PLD5: variants seen among roughly 807,000 people sequenced by gnomAD.
PLD5 encodes the protein phospholipase D family member 5.
PLD5 carries 36 observed loss-of-function variants against 61.1 expected under a neutral mutation model. The ratio of observed to expected loss-of-function variants is 0.59; its 90% CI spans 0.45 to 0.78. The LOEUF is 0.78. Among genes scored for constraint, PLD5 ranks in the 30% least tolerant of loss-of-function variants. PLD5 has a pLI of 0.00. For missense variants in PLD5, 515 were observed against 644.4 expected, an observed-to-expected ratio of 0.80 and a Z score of 2.17; for synonymous variants, 243 against 242.8, an observed-to-expected ratio of 1.00 and a Z score of -0.01.
chr1:242,307,866 C>G (rs180706411), intron 2 of PLD5, among the ~76,000 whole-genome samples: 1 of 152,248 alleles, frequency 6.6e-6, no homozygotes, highest in African/African-American at 2.4e-5. Context: ...GTCACCAAAT[C>G]TAGCTTCAAT....
intron 5 of PLD5, among the ~76,000 whole-genome samples, chr1:242,191,258 G>T (rs1206797252): frequency 6.6e-6 from 1 of 151,820 alleles, no homozygotes; most frequent in Non-Finnish European, 1.5e-5. Flanking sequence ...TTTTGAGAAA[G>T]TTAAGAGAGT....
intron 3 of PLD5, among the ~76,000 whole-genome samples, chr1:242,281,509 A>G (rs1397056205): frequency 6.8e-6 from 1 of 146,886 alleles, no homozygotes; most frequent in East Asian, 2.0e-4. Flanking sequence ...TCAAGATGTT[A>G]TTTGTCCAGA....
chr1:242,315,445 C>T (rs990807739), intron 2 of PLD5, among the ~76,000 whole-genome samples: 74 of 152,054 alleles, frequency 4.9e-4, no homozygotes, highest in African/African-American at 1.6e-3. Context: ...TTATGCTAGA[C>T]GTTCGGGAAA....
At position 242,090,146 on chromosome 1, in the gene PLD5, G is replaced by C. The variant is rs752027260; in HGVS notation, c.1355-36C>G. On this transcript the variant is annotated intron_variant, in intron 9 of 9. Coordinates refer to ENST00000536534, the MANE Select transcript of PLD5 (RefSeq NM_001372062.1). ...ACAAAGAAATAATGTTGAGGAGTTA[G>C]AGTCCACTGGGAACATACCCAATAT... The C allele has an allele frequency of 2.5e-6, 4 of 1,610,318 alleles. No homozygotes were observed. In the African/African-American group the frequency reaches 5.3e-5, roughly 22 times the overall value.
intron 1 of PLD5, among the ~76,000 whole-genome samples, chr1:242,470,177 T>TA (rs1381347265): frequency 1.3e-5 from 2 of 151,662 alleles, no homozygotes; most frequent in Non-Finnish European, 2.9e-5. Flanking sequence ...CCGTCTCTAC[T>TA]AAAAATACAA....
intron 8 of PLD5, among the ~76,000 whole-genome samples, chr1:242,101,949 C>T (rs1013631672): frequency 6.6e-6 from 1 of 152,074 alleles, no homozygotes; most frequent in Non-Finnish European, 1.5e-5. Flanking sequence ...ATCTGTGTGG[C>T]TCTCAGGGCC....
chr1:242,498,530 A>G (rs947452161), intron 1 of PLD5, among the ~76,000 whole-genome samples: 1 of 152,176 alleles, frequency 6.6e-6, no homozygotes, highest in Non-Finnish European at 1.5e-5. Context: ...TGAGAAAAAC[A>G]TTGTTATGTT....
intron 5 of PLD5, among the ~76,000 whole-genome samples, chr1:242,146,295 T>G: frequency 6.6e-6 from 1 of 152,348 alleles, no homozygotes; most frequent in East Asian, 1.9e-4. Flanking sequence ...TAGACTTCAC[T>G]TCCTGATTCC....
chr1:242,117,464 C>A (rs1168092142), intron 6 of PLD5, among the ~76,000 whole-genome samples: 1 of 151,950 alleles, frequency 6.6e-6, no homozygotes, highest in Non-Finnish European at 1.5e-5. Flanking sequence ...TCACTGCAAC[C>A]TCCACCTCCC....
chr1:242,100,831 G>A, intron 8 of PLD5, 49 bp from the exon 9 acceptor site: 1 of 1,296,838 alleles, frequency 7.7e-7, no homozygotes, highest in Non-Finnish European at 1.1e-6. Context: ...AACGTTTCTG[G>A]TCTTGTCCAA....
chr1:242,362,067 C>A (rs1329168712), intron 1 of PLD5, among the ~76,000 whole-genome samples: 1 of 150,258 alleles, frequency 6.7e-6, no homozygotes, highest in African/African-American at 2.5e-5. Context: ...GATAAATGTA[C>A]AAAAATTATC....
intron 9 of PLD5, among the ~76,000 whole-genome samples, chr1:242,100,445 G>A (rs1285007409): frequency 6.6e-6 from 1 of 152,194 alleles, no homozygotes; most frequent in Admixed American, 6.5e-5. Flanking sequence ...TTATGGAAAG[G>A]CATCTTCTAT....
intron 1 of PLD5, among the ~76,000 whole-genome samples, chr1:242,423,811 G>C (rs1455633266): frequency 2.0e-5 from 3 of 152,110 alleles, no homozygotes; most frequent in Admixed American, 6.5e-5. Flanking sequence ...CTGCCTATCA[G>C]AATGCCCAGC....
chr1:242,306,766 C>T (rs183798389), intron 2 of PLD5, among the ~76,000 whole-genome samples: 115,940 of 144,304 alleles, frequency 0.8, 46,691 homozygotes, highest in East Asian at 0.9. Context: ...CACACACACA[C>T]ACACACACAC....
intron 1 of PLD5, among the ~76,000 whole-genome samples, chr1:242,421,106 G>A (rs186205839): frequency 2.4e-4 from 36 of 148,792 alleles, no homozygotes; most frequent in African/African-American, 8.8e-4. Context: ...CTTGAACCCT[G>A]GAGGTGAAGG....
chr1:242,127,820 C>T (rs969419288), intron 5 of PLD5, among the ~76,000 whole-genome samples: 11 of 152,122 alleles, frequency 7.2e-5, no homozygotes, highest in East Asian at 1.9e-4. Context: ...ATAAATATAA[C>T]GAAATCAATG....
At chr1:242,113,171 A>G (rs570962294) in intron 7 of PLD5, among the ~76,000 whole-genome samples, 1 of 144,552 alleles carries the variant, frequency 6.9e-6, no homozygotes, top group East Asian at 2.0e-4. Flanking sequence ...CTCACTGCAA[A>G]CTCCGCCTCC....
chr1:242,155,062 G>A (rs1665243191), intron 5 of PLD5, among the ~76,000 whole-genome samples: 1 of 152,118 alleles, frequency 6.6e-6, no homozygotes, highest in Non-Finnish European at 1.5e-5. Context: ...CTTCTTCCTA[G>A]TTTAGACTTG....
intron 1 of PLD5, among the ~76,000 whole-genome samples, chr1:242,496,178 G>GA (rs71769359): frequency 6.6e-6 from 1 of 151,606 alleles, no homozygotes; most frequent in Non-Finnish European, 1.5e-5. Context: ...TGCAATGGGG[G>GA]AAAAAAATCA....
Sources: allele counts gnomAD v4.1 joint callset (sites outside exome capture counted in the v4.1 genomes callset), GRCh38; gene constraint gnomAD v4.1.1; transcripts MANE v1.5; gene names NCBI Gene and HGNC (gene_info 2026-07-23, HGNC 2026-07-21).